CSF2RA: variants seen among roughly 807,000 people sequenced by gnomAD.
The protein encoded by CSF2RA is colony stimulating factor 2 receptor subunit alpha, also known as granulocyte-macrophage colony-stimulating factor receptor subunit alpha.
CSF2RA carries 42 observed loss-of-function variants against 51.6 expected under a neutral mutation model. The observed-to-expected ratio is 0.81, with a 90% confidence interval of 0.64 to 1.05. The LOEUF is 1.05. Ranked by LOEUF, CSF2RA falls within the 50% of genes least tolerant of loss-of-function variation. The probability of loss-of-function intolerance (pLI) is 0.00; values close to 1 mark genes in which losing one functional copy is unlikely to be tolerated. For missense variants in CSF2RA, 530 were observed against 501.1 expected (o/e 1.06, Z -0.55); for synonymous variants, 222 against 193.0 (o/e 1.15, Z -1.24).
intron 7 of CSF2RA, among the ~76,000 whole-genome samples, chrX:1,291,948 T>G (rs1418387197): frequency 4.9e-5 from 6 of 123,680 alleles, no homozygotes; most frequent in Non-Finnish European, 9.1e-5. Flanking sequence ...TTACCCAGTG[T>G]AGACAGAAGG....
intron 2 of CSF2RA, among the ~76,000 whole-genome samples, chrX:1,281,529 C>T (rs1363803974): frequency 6.6e-6 from 1 of 150,994 alleles, no homozygotes; most frequent in Non-Finnish European, 1.5e-5. Flanking sequence ...TCTCCTCCTC[C>T]TCCTTCTCCT....
downstream of CSF2RA, among the ~76,000 whole-genome samples, chrX:1,311,604 T>TTTTTG (rs1335244440): frequency 2.6e-5 from 4 of 151,994 alleles, no homozygotes; most frequent in African/African-American, 4.8e-5. Flanking sequence ...CGGCTACTTT[T>TTTTTG]TTTTGTTTTG....
chrX:1,301,271 G>T (rs1455432925), intron 10 of CSF2RA, among the ~76,000 whole-genome samples: 9 of 141,426 alleles, frequency 6.4e-5, no homozygotes, highest in Admixed American at 2.3e-4. Flanking sequence ...GGTGGAGGTT[G>T]CAGTGAGCTG....
At chrX:1,317,549 C>CT in the CSF2RA span, among the ~76,000 whole-genome samples, 2 of 146,084 alleles carry the variant, frequency 1.4e-5, no homozygotes, top group Non-Finnish European at 3.0e-5. Flanking sequence ...CCACGCCCAG[C>CT]TTTTTTTATT....
At chrX:1,311,439 T>G (rs2084179225), downstream of CSF2RA, among the ~76,000 whole-genome samples, 1 of 118,228 alleles carries the variant, frequency 8.5e-6, no homozygotes, top group Admixed American at 9.1e-5. Context: ...ATAAACCTGT[T>G]TGTTTTTTTT....
intron 1 of CSF2RA, among the ~76,000 whole-genome samples, chrX:1,271,839 G>T (rs1274663872): frequency 6.6e-6 from 1 of 152,006 alleles, no homozygotes; most frequent in Non-Finnish European, 1.5e-5. Context: ...TTAGATTTTT[G>T]GTTTAAACTC....
At chrX:1,286,567 CT>C (rs1383712483) in intron 4 of CSF2RA, among the ~76,000 whole-genome samples, 1 of 71,534 alleles carries the variant, frequency 1.4e-5, no homozygotes, top group Non-Finnish European at 2.6e-5. Context: ...AAAACTCTGT[CT>C]CCAAAAAAAA....
chrX:1,284,638 A>G (rs1445803787), intron 3 of CSF2RA, among the ~76,000 whole-genome samples: 1 of 111,590 alleles, frequency 9.0e-6, no homozygotes, highest in Non-Finnish European at 1.9e-5. Context: ...AGATCTTGCT[A>G]TGTTGCCAAG....
chrX:1,301,941 C>G lies in CSF2RA; in HGVS notation c.946+1315C>G, dbSNP rs1475307193. ...TTTTTTTTTTTTTTTTTTTAGATGG[C>G]GTTTCGCTCTTGTTGCCCAGGCTGG... On this transcript the variant is annotated intron_variant, in intron 10 of 12. Transcript: ENST00000381529. Among the ~76,000 whole-genome samples, 8 of 118,880 alleles carry G rather than the reference C, an allele frequency of 6.7e-5. No individual in the cohort carries two copies. In the East Asian group the frequency reaches 1.9e-3, roughly 29 times the overall value. The allele number at this position is 118,880 out of a possible 152,430, so 78.0% of individuals were successfully genotyped here. A position where few individuals can be genotyped will look rare whatever the true frequency, so the allele number is the denominator to read the frequency against.
intron 12 of CSF2RA, among the ~76,000 whole-genome samples, chrX:1,307,354 TTA>T (rs1243242727): frequency 6.6e-5 from 10 of 150,690 alleles, no homozygotes; most frequent in Middle Eastern, 3.5e-3. Context: ...CCTTCCCCCT[TTA>T]CACCTTCGAC....
rs1361997196 is a variant in CSF2RA at position 1,303,981 on chromosome X, C to A, written c.1005C>A (p.Thr335=). The change falls in exon 11 of 13, where the codon ACC becomes ACA. Residue 335 remains threonine (T), a synonymous_variant. Transcript: ENST00000381529. ...TTTATGTGCTCCTAATCGTGGGAACCCTTGTCTGTGGCATCGTCCTCGGCT... is the reference window on the plus strand; with the variant it reads ...TTTATGTGCTCCTAATCGTGGGAACACTTGTCTGTGGCATCGTCCTCGGCT... ...VYIYVLLIVG[T]LVCGIVLGFL... The A allele has an allele frequency of 6.2e-7, 1 of 1,613,120 alleles. No homozygotes were observed. The highest frequency in any genetic ancestry group is 1.1e-5 in the South Asian group (1 of 91,018).
At position 1,309,706 on chromosome X, in the gene CSF2RA, G is replaced by A. The variant is rs529274954; in HGVS notation, c.*227G>A. Reference sequence around the variant, plus strand: ...GTTCAAGACCAGCCTGCCCAACATGGTGAAACCCCATCTGGACTAAAAATG... The same window carrying A: ...GTTCAAGACCAGCCTGCCCAACATGATGAAACCCCATCTGGACTAAAAATG... On this transcript the variant is annotated 3_prime_UTR_variant, in exon 13 of 13. Coordinates refer to ENST00000381529, the MANE Select transcript of CSF2RA (RefSeq NM_172245.4). 1,041 of 965,258 alleles carry A rather than the reference G, an allele frequency of 1.1e-3. 2 individuals carry two copies. Among genetic ancestry groups the A allele is most frequent in the Middle Eastern group, 8.6e-3 (28 of 3,252 alleles). The allele number at this position is 965,258 out of a possible 1,614,324, so 59.8% of individuals were successfully genotyped here. A position where few individuals can be genotyped will look rare whatever the true frequency, so the allele number is the denominator to read the frequency against.
At chrX:1,284,195 C>CTTTTTTTTTTT in intron 3 of CSF2RA, among the ~76,000 whole-genome samples, 1 of 91,750 alleles carries the variant, frequency 1.1e-5, no homozygotes, top group Non-Finnish European at 2.1e-5. Context: ...CTCTGTCTCT[C>CTTTTTTTTTTT]TTTTTTTTTT....
chrX:1,306,018 G>C (rs1168435366), intron 12 of CSF2RA: 1 of 508,876 alleles, frequency 2.0e-6, no homozygotes, highest in South Asian at 2.1e-5. Flanking sequence ...GGGGGCGGAG[G>C]TTGCAGTGAG....
intron 9 of CSF2RA, among the ~76,000 whole-genome samples, chrX:1,296,045 T>C (rs2091917196): frequency 6.8e-6 from 1 of 147,218 alleles, no homozygotes; most frequent in African/African-American, 2.5e-5. Flanking sequence ...TCATGACCCC[T>C]AGCGTAACCA....
rs2091423621 is a variant in CSF2RA at position 1,291,763 on chromosome X, ACCTGGACCCAGTGTAGACAAAGAGGTG to A, written c.646+1255_646+1281del. ...CAGGAGGAGACCCTGTACCACCTCC[ACCTGGACCCAGTGTAGACAAAGAGGTG>A]TCCCTACTCCACGTCCACCTGGATC... is the stretch of plus-strand genomic sequence containing the variant. On this transcript the variant is annotated intron_variant, in intron 7 of 12. Transcript: ENST00000381529. 3.3e-5 allele frequency among the ~76,000 whole-genome samples: 5 copies of A among 149,326 alleles called. 2 individuals are homozygous for A. The highest frequency in any genetic ancestry group is 4.9e-5 in the African/African-American group (2 of 40,570).
intron 4 of CSF2RA, among the ~76,000 whole-genome samples, chrX:1,288,199 T>C (rs2090985780): frequency 6.7e-6 from 1 of 150,234 alleles, no homozygotes; most frequent in African/African-American, 2.4e-5. Context: ...ACCAATACCA[T>C]GGCCGGGCAT....
chrX:1,280,603 G>A (rs1248379914), intron 2 of CSF2RA, among the ~76,000 whole-genome samples: 2 of 151,936 alleles, frequency 1.3e-5, no homozygotes, highest in African/African-American at 4.8e-5. Context: ...AATTGGTTGA[G>A]TTTGTAGCTC....
At chrX:1,281,044 T>C (rs2089946387) in intron 2 of CSF2RA, among the ~76,000 whole-genome samples, 1 of 34,900 alleles carries the variant, frequency 2.9e-5, no homozygotes, top group African/African-American at 7.8e-5. Context: ...CTCATTCTCC[T>C]CCTGCTCCCC....
Sources: gnomAD v4.1 joint callset for allele counts (sites outside exome capture counted in the v4.1 genomes callset) on GRCh38, gnomAD v4.1.1 for gene constraint, MANE v1.5 for transcripts, NCBI Gene and HGNC (gene_info 2026-07-23, HGNC 2026-07-21) for gene names.